Variants in GATD1 observed in about 807,000 individuals in gnomAD.
GATD1 encodes the protein glutamine amidotransferase-like class 1 domain-containing protein 1.
Under a neutral mutation model 25.9 loss-of-function variants are expected in GATD1, and 23 were observed. The ratio of observed to expected loss-of-function variants is 0.89; its 90% CI spans 0.64 to 1.26. The LOEUF (loss-of-function observed/expected upper bound fraction) is 1.26, where lower values mean the gene tolerates loss of function less well. Among genes scored for constraint, GATD1 ranks in the 50% most tolerant of loss-of-function variants. The probability of loss-of-function intolerance (pLI) is 0.00; values close to 1 mark genes in which losing one functional copy is unlikely to be tolerated. For synonymous variants in GATD1, 177 were observed against 134.6 expected, an observed-to-expected ratio of 1.31 and a Z score of -2.18; for missense variants, 347 against 312.5, an observed-to-expected ratio of 1.11 and a Z score of -0.83.
At chr11:777,188 A>C (rs1282068745) in intron 1 of GATD1, 24 of 85,878 alleles carry the variant, frequency 2.8e-4, no homozygotes, top group South Asian at 4.3e-4. Context: ...CCATCCCACC[A>C]ACCCGCGACC....
chr11:774,475 C>T (rs1263790776), intron 2 of GATD1, among the ~76,000 whole-genome samples: 1 of 152,266 alleles, frequency 6.6e-6, no homozygotes, highest in Non-Finnish European at 1.5e-5. Context: ...GTGCCCCTCA[C>T]ACCAGGGCTG....
chr11:775,184 G>T, intron 1 of GATD1, 42 bp from the exon 2 acceptor site: 1 of 1,536,774 alleles, frequency 6.5e-7, no homozygotes, highest in Non-Finnish European at 8.8e-7. Flanking sequence ...CAGGACTAGC[G>T]TGCCCCGCCT....
intron 4 of GATD1, 30 bp downstream of exon 4, chr11:773,492 C>T (rs369342528): frequency 2.6e-6 from 4 of 1,565,252 alleles, no homozygotes; most frequent in South Asian, 1.1e-5. Context: ...GCACATCCAA[C>T]CCCTCCCCTG....
rs966964342 is a variant in GATD1, at chr11:772,589, C to T, written c.356-68G>A. The T allele has an allele frequency of 1.3e-5, 19 of 1,446,652 alleles. No individual in the cohort carries two copies. The Admixed American group carries it at 1.9e-4, about 14-fold the overall frequency. The allele number at this position is 1,446,652 out of a possible 1,614,324, so 89.6% of individuals were successfully genotyped here. On this transcript the variant is annotated intron_variant, in intron 4 of 7. Coordinates refer to ENST00000319863, the MANE Select transcript of GATD1 (RefSeq NM_182612.4). Reference sequence around the variant, plus strand: ...CGCACCCTGAAGCCCCTCCCAGATGCCCCTGCTTGTGGCTCCCCCAGGCTT... The same window carrying T: ...CGCACCCTGAAGCCCCTCCCAGATGTCCCTGCTTGTGGCTCCCCCAGGCTT...
rs1009526573 is a variant in GATD1, at chr11:774,070, C to A, written c.185G>T (p.Arg62Leu). ...EFVDVTESNARWVQDFRLKAY... is the reference protein window; with the variant it reads ...EFVDVTESNALWVQDFRLKAY... ...CTTGAGGCGGAAGTCTTGCACCCAG[C>A]GTGCATTGCTCTCAGTCACATCCAC... The change falls in exon 3 of 8, where the codon CGC becomes CTC. Residue 62 changes from arginine to leucine, a missense_variant. Arg to Leu is a moderately radical substitution (Grantham distance 102, BLOSUM62 -2). Coordinates refer to ENST00000319863, the MANE Select transcript of GATD1 (RefSeq NM_182612.4). 1 of 1,613,726 alleles carries A rather than the reference C, an allele frequency of 6.2e-7. No individual in the cohort carries two copies. The highest frequency in any genetic ancestry group is 1.1e-5 in the South Asian group (1 of 91,088).
rs1042572700 is a variant in GATD1 at position 774,067 on chromosome 11, C to T, written c.188G>A (p.Trp63Ter). The T allele has an allele frequency of 6.2e-7, 1 of 1,613,744 alleles. No individual in the cohort carries two copies. The highest frequency in any genetic ancestry group is 1.3e-5 in the African/African-American group (1 of 75,052). Residue 63 changes from tryptophan (W) to a stop codon, truncating the protein, a stop_gained, in exon 3 of 8, where the codon TGG (tryptophan) becomes TAG (stop). Transcript: ENST00000319863. LOFTEE classifies it high-confidence loss of function. Reference protein sequence around the residue: ...FVDVTESNARWVQDFRLKAYA... With the variant: ...FVDVTESNAR ...AGCCTTGAGGCGGAAGTCTTGCACCCAGCGTGCATTGCTCTCAGTCACATC... is the reference window on the plus strand; with the variant it reads ...AGCCTTGAGGCGGAAGTCTTGCACCTAGCGTGCATTGCTCTCAGTCACATC...
chr11:769,373 T>G lies in GATD1; in HGVS notation c.*1524A>C. 9.1e-6 allele frequency: 8 copies of G among 877,712 alleles called. No homozygotes were observed. The highest frequency in any genetic ancestry group is 1.1e-5 in the Non-Finnish European group (8 of 731,866). 54.4% of individuals were successfully genotyped at this position (877,712 alleles called of 1,614,324 possible). On this transcript the variant is annotated 3_prime_UTR_variant, in exon 8 of 8. Coordinates refer to ENST00000319863, the MANE Select transcript of GATD1 (RefSeq NM_182612.4). ...GTTTCACTCATTGCCCAGGTTGGAG[T>G]GCAATGGCGCAATCTTGGCTCACTG...
intron 1 of GATD1, among the ~76,000 whole-genome samples, chr11:776,283 T>C (rs377245009): frequency 3.2e-4 from 49 of 152,242 alleles, no homozygotes; most frequent in African/African-American, 1.1e-3. Context: ...GCCCAGACTC[T>C]TCATTCTTAT....
At chr11:773,384 C>A in intron 4 of GATD1, 138 bp downstream of exon 4, 1 of 712,922 alleles carries the variant, frequency 1.4e-6, no homozygotes. Context: ...CTCCTGCCCA[C>A]AACCACTGCA....
At chr11:776,111 T>C (rs1565019706) in intron 1 of GATD1, among the ~76,000 whole-genome samples, 1 of 146,930 alleles carries the variant, frequency 6.8e-6, no homozygotes, top group African/African-American at 2.5e-5. Flanking sequence ...GCCTCCCGAG[T>C]AGCTGGGACT....
rs1484081509 is a variant in GATD1, at chr11:767,293, C to A, written c.*3604G>T. The A allele has an allele frequency of 3.3e-6, 5 of 1,536,182 alleles. No homozygotes were observed. The highest frequency in any genetic ancestry group is 4.4e-6 in the Non-Finnish European group (5 of 1,146,924). ...ACACTGGTATATGGGGAAATCCTCACCCGCCCTCCGCTGCTCTTCTGGAGG... is the reference window on the plus strand; with the variant it reads ...ACACTGGTATATGGGGAAATCCTCAACCGCCCTCCGCTGCTCTTCTGGAGG... On this transcript the variant is annotated 3_prime_UTR_variant, in exon 8 of 8. Coordinates refer to ENST00000319863, the MANE Select transcript of GATD1 (RefSeq NM_182612.4).
intron 2 of GATD1, among the ~76,000 whole-genome samples, chr11:774,724 G>T (rs1324343323): frequency 6.6e-6 from 1 of 152,228 alleles, no homozygotes; most frequent in East Asian, 1.9e-4. Flanking sequence ...CAGCTACTCG[G>T]GAGGCTGAGG....
chr11:777,423 G>A lies in GATD1; in HGVS notation c.40C>T (p.Leu14Phe), dbSNP rs1336176515. The A allele has an allele frequency of 2.3e-5, 30 of 1,290,364 alleles. No individual in the cohort carries two copies. Among genetic ancestry groups the A allele is most frequent in the Non-Finnish European group, 2.4e-5 (24 of 1,018,194 alleles). 79.9% of individuals were successfully genotyped at this position (1,290,364 alleles called of 1,614,324 possible). A position where few individuals can be genotyped will look rare whatever the true frequency, so the allele number is the denominator to read the frequency against. The change falls in exon 1 of 8, where the codon CTC becomes TTC. Residue 14 changes from leucine (L) to phenylalanine (F), a missense_variant. Leu to Phe is a conservative substitution (Grantham distance 22, BLOSUM62 0). Transcript: ENST00000319863. ...CCTTCGGCGGCGCCGCTGGCCACGAGCAGACAGGCGGGCCTGTTAGGGAGC... is the reference window on the plus strand; with the variant it reads ...CCTTCGGCGGCGCCGCTGGCCACGAACAGACAGGCGGGCCTGTTAGGGAGC... Reference protein sequence around the residue: ...ERLPNRPACLLVASGAAEGVS... With the variant: ...ERLPNRPACLFVASGAAEGVS...
intron 1 of GATD1, 102 bp from the exon 2 acceptor site, chr11:775,244 C>A: frequency 1.1e-6 from 1 of 943,950 alleles, no homozygotes; most frequent in South Asian, 1.6e-5. Flanking sequence ...CCAGAACACG[C>A]TGAGGAGCAG....
At chr11:772,836 C>T (rs775742344) in intron 4 of GATD1, among the ~76,000 whole-genome samples, 3 of 152,214 alleles carry the variant, frequency 2.0e-5, no homozygotes, top group Non-Finnish European at 4.4e-5. Context: ...AACCCTAGGA[C>T]GCTGCCCGGC....
chr11:767,773 G>C lies in GATD1; in HGVS notation c.*3124C>G. 1 of 285,230 alleles carries C rather than the reference G, an allele frequency of 3.5e-6. No homozygotes were observed. The highest frequency in any genetic ancestry group is 5.5e-6 in the Non-Finnish European group (1 of 181,660). The allele number at this position is 285,230 out of a possible 1,614,324, so 17.7% of individuals were successfully genotyped here. ...CTCACAAAAGAGGTTGCATCTACTG[G>C]TGCTTTCATCTTGGGCTTCCAGCCT... On this transcript the variant is annotated 3_prime_UTR_variant, in exon 8 of 8. Coordinates refer to ENST00000319863, the MANE Select transcript of GATD1 (RefSeq NM_182612.4).
chr11:771,745 C>T (rs1331615718), intron 5 of GATD1, among the ~76,000 whole-genome samples: 1 of 152,150 alleles, frequency 6.6e-6, no homozygotes, highest in Non-Finnish European at 1.5e-5. Context: ...TGGGGCGGGG[C>T]ACCCTCTGGG....
At chr11:775,435 A>G (rs1471821581) in intron 1 of GATD1, among the ~76,000 whole-genome samples, 1 of 152,216 alleles carries the variant, frequency 6.6e-6, no homozygotes, top group Non-Finnish European at 1.5e-5. Flanking sequence ...CCAGCCTGGC[A>G]CTGTCACCTC....
intron 1 of GATD1, 120 bp from the exon 2 acceptor site, chr11:775,262 C>T (rs1863849637): frequency 2.6e-6 from 2 of 772,988 alleles, no homozygotes; most frequent in Non-Finnish European, 4.1e-6. Flanking sequence ...CAGCCCTCTC[C>T]CCTACACCCA....
Sources: gnomAD v4.1 joint callset for allele counts (sites outside exome capture counted in the v4.1 genomes callset) on GRCh38, gnomAD v4.1.1 for gene constraint, MANE v1.5 for transcripts, NCBI Gene and HGNC (gene_info 2026-07-23, HGNC 2026-07-21) for gene names.